Variants in LRP1B observed in about 807,000 individuals in gnomAD.
LRP1B encodes the protein low-density lipoprotein receptor-related protein 1B.
Under a neutral mutation model 556.6 loss-of-function variants are expected in LRP1B, and 217 were observed. The observed-to-expected ratio is 0.39, with a 90% CI of 0.35 to 0.44. LRP1B has a LOEUF of 0.44. LRP1B is among the 20% of genes least tolerant of loss of function. LRP1B has a pLI of 1.00. For synonymous variants in LRP1B, 2,047 were observed against 1,865.8 expected (o/e 1.10, Z -2.50); for missense variants, 5,053 against 5,620.8 (o/e 0.90, Z 3.23).
intron 2 of LRP1B, among the ~76,000 whole-genome samples, chr2:141,525,036 T>C (rs1365594360): frequency 6.6e-6 from 1 of 152,092 alleles, no homozygotes; most frequent in Non-Finnish European, 1.5e-5. Flanking sequence ...TAATATCGAC[T>C]CTTGTTTTTT....
chr2:141,296,690 T>C (rs1435678973), intron 3 of LRP1B, among the ~76,000 whole-genome samples: 1 of 152,248 alleles, frequency 6.6e-6, no homozygotes, highest in Non-Finnish European at 1.5e-5. Context: ...ATTAAGTATG[T>C]GCTGTTGACA....
At chr2:140,403,572 G>C (rs761552251) in intron 66 of LRP1B, among the ~76,000 whole-genome samples, 5 of 151,898 alleles carry the variant, frequency 3.3e-5, no homozygotes, top group Non-Finnish European at 1.5e-5. Flanking sequence ...GTCAGACAAA[G>C]ATAAAGAAAA....
chr2:141,528,498 A>C (rs1408890186), intron 2 of LRP1B, among the ~76,000 whole-genome samples: 3 of 152,266 alleles, frequency 2.0e-5, no homozygotes, highest in African/African-American at 7.2e-5. Context: ...CCTGCAATGG[A>C]GCAGTCATCA....
intron 18 of LRP1B, among the ~76,000 whole-genome samples, chr2:140,967,965 G>C (rs929652868): frequency 1.5e-5 from 2 of 130,654 alleles, no homozygotes; most frequent in Non-Finnish European, 3.3e-5. Context: ...GAGGATTTTT[G>C]CATCAATGTT....
intron 43 of LRP1B, among the ~76,000 whole-genome samples, chr2:140,542,619 A>G (rs1475629154): frequency 6.6e-6 from 1 of 152,164 alleles, no homozygotes; most frequent in Non-Finnish European, 1.5e-5. Context: ...TTCCTGGGTA[A>G]TAGGAAATAC....
In LRP1B at chr2:141,134,261, C is replaced by G. The variant is rs913864963; in HGVS notation, c.1013+54160G>C. 2.0e-5 allele frequency among the ~76,000 whole-genome samples: 3 copies of G among 151,786 alleles called. No homozygotes were observed. In the East Asian group the frequency reaches 5.8e-4, roughly 29 times the overall value. On this transcript the variant is annotated intron_variant, in intron 7 of 90. Transcript: ENST00000389484. ...TCTAGTAAGGTCTCCCTCCTTCAGG[C>G]CTTTGCTCCTCCATTCCATTCTCCA... is the stretch of plus-strand genomic sequence containing the variant.
At chr2:141,029,753 T>C (rs1573997841) in intron 11 of LRP1B, among the ~76,000 whole-genome samples, 2 of 152,216 alleles carry the variant, frequency 1.3e-5, no homozygotes, top group East Asian at 3.9e-4. Context: ...AATGTCTCAT[T>C]TTCTACTTTT....
At chr2:140,686,980 T>C (rs1384350006) in intron 41 of LRP1B, among the ~76,000 whole-genome samples, 1 of 152,020 alleles carries the variant, frequency 6.6e-6, no homozygotes, top group Non-Finnish European at 1.5e-5. Flanking sequence ...TTGTGAGAAA[T>C]GCAGAATAAT....
chr2:140,426,740 A>G (rs1305038560), intron 66 of LRP1B, among the ~76,000 whole-genome samples: 2 of 152,170 alleles, frequency 1.3e-5, no homozygotes, highest in African/African-American at 4.8e-5. Context: ...CCCAGGTGAA[A>G]TAAACAGCCT....
At chr2:140,326,807 A>G (rs1482687460) in intron 79 of LRP1B, among the ~76,000 whole-genome samples, 1 of 152,126 alleles carries the variant, frequency 6.6e-6, no homozygotes, top group African/African-American at 2.4e-5. Flanking sequence ...GTTTCATCAC[A>G]GGTAGATGTC....
chr2:140,970,714 C>CTTT (rs571691521), intron 18 of LRP1B, among the ~76,000 whole-genome samples: 7 of 12,246 alleles, frequency 5.7e-4, no homozygotes, highest in East Asian at 2.0e-3. Flanking sequence ...ATTTTTTAAC[C>CTTT]TTTTTTTTTT....
At chr2:142,105,253 T>G (rs1489395390) in intron 1 of LRP1B, among the ~76,000 whole-genome samples, 4 of 151,898 alleles carry the variant, frequency 2.6e-5, no homozygotes, top group Non-Finnish European at 5.9e-5. Flanking sequence ...CATTAAAGAG[T>G]TTTAGACAGA....
chr2:141,129,070 A>G (rs1163712478), intron 7 of LRP1B, among the ~76,000 whole-genome samples: 1 of 152,208 alleles, frequency 6.6e-6, no homozygotes, highest in African/African-American at 2.4e-5. Context: ...ATATACCATT[A>G]AAGTAACCAG....
chr2:141,773,927 C>T (rs577212395), intron 2 of LRP1B, among the ~76,000 whole-genome samples: 1 of 152,224 alleles, frequency 6.6e-6, no homozygotes. Context: ...AATAAAAACG[C>T]AGGTATCAGT....
rs756148291 is a variant in LRP1B, at chr2:141,055,249, A to C, written c.1419T>G (p.His473Gln). The change falls in exon 10 of 91, where the codon CAT (histidine) becomes CAG (glutamine). Residue 473 changes from histidine to glutamine, a missense_variant. His to Gln is a conservative substitution (Grantham distance 24). Transcript: ENST00000389484. ...QKRTQPTVRS[H>Q]ACEVDPYGMP... is the part of the protein sequence containing the mutation. ...TTCCATATGGATCGACTTCACATGC[A>C]TGGCTTCTGACTACAACAAATAAAA... is the stretch of plus-strand genomic sequence containing the variant. 6.2e-7 allele frequency: 1 copy of C among 1,610,550 alleles called. No homozygotes were observed. The highest frequency in any genetic ancestry group is 8.5e-7 in the Non-Finnish European group (1 of 1,178,248).
Position 140,290,123 on chromosome 2 carries a change from T to A in LRP1B, c.12967+7685A>T, listed in dbSNP as rs954949245. On this transcript the variant is annotated intron_variant, in intron 84 of 90. Transcript: ENST00000389484. ...GGTATGCAAAACACTGTGGCCTGTT[T>A]AATATTCTAGTGGGGTAGATATTCA... Among the ~76,000 whole-genome samples the A allele has an allele frequency of 4.6e-5, 7 of 152,026 alleles. 1 individual carries two copies. The highest frequency in any genetic ancestry group is 3.9e-4 in the Admixed American group (6 of 15,210).
chr2:141,317,648 G>T (rs1233111368), intron 3 of LRP1B, among the ~76,000 whole-genome samples: 3 of 152,142 alleles, frequency 2.0e-5, no homozygotes, highest in African/African-American at 7.2e-5. Context: ...TGATATATTG[G>T]AAAGAGGATT....
At chr2:140,877,744 G>A (rs568674094) in intron 25 of LRP1B, among the ~76,000 whole-genome samples, 150 of 152,186 alleles carry the variant, frequency 9.9e-4, no homozygotes, top group African/African-American at 3.4e-3. Context: ...CCTTTGCTTC[G>A]AGTTGTCCCA....
chr2:140,373,868 T>C (rs915692093), intron 68 of LRP1B, among the ~76,000 whole-genome samples: 1 of 152,130 alleles, frequency 6.6e-6, no homozygotes, highest in Admixed American at 6.6e-5. Flanking sequence ...ATATGGAATG[T>C]GAAACAAACA....
Sources: allele counts gnomAD v4.1 joint callset (sites outside exome capture counted in the v4.1 genomes callset), GRCh38; gene constraint gnomAD v4.1.1; transcripts MANE v1.5; gene names NCBI Gene and HGNC (gene_info 2026-07-23, HGNC 2026-07-21).